WDR3: variants seen among roughly 807,000 people sequenced by gnomAD.
WDR3 encodes the protein WD repeat-containing protein 3.
In WDR3, 81 loss-of-function variants were observed where a neutral mutation model predicts 123.7. The ratio of observed to expected loss-of-function variants is 0.65; its 90% CI spans 0.55 to 0.79. The LOEUF (loss-of-function observed/expected upper bound fraction) is 0.79. Among genes scored for constraint, WDR3 ranks in the 30% least tolerant of loss-of-function variants. The pLI is 0.00. For missense variants in WDR3, 1,027 were observed against 1,123.2 expected (o/e 0.91, Z 1.22); for synonymous variants, 390 against 388.8 (o/e 1.00, Z -0.04).
Position 117,940,881 on chromosome 1 carries a change from A to T in WDR3, c.730A>T (p.Ile244Leu). ...GAAAATCAAAGGATCTTCTCCTGGA[A>T]TACAAGATACTCTTGAGGCAGAGGA... ...PKKIKGSSPG[I>L]QDTLEAEDGA... The change falls in exon 7 of 27, where the codon ATA becomes TTA. Residue 244 changes from isoleucine (I) to leucine (L), a missense_variant. Ile to Leu is a conservative substitution (Grantham distance 5). Transcript: ENST00000349139. The T allele has an allele frequency of 6.2e-7, 1 of 1,614,086 alleles. No homozygotes were observed. The highest frequency in any genetic ancestry group is 2.2e-5 in the East Asian group (1 of 44,886).
In WDR3 at chr1:117,951,508, CTTTT is replaced by C. The variant is rs60053262; in HGVS notation, c.1804-454_1804-451del. On this transcript the variant is annotated intron_variant, in intron 16 of 26. Coordinates refer to ENST00000349139, the MANE Select transcript of WDR3 (RefSeq NM_006784.3). Reference sequence around the variant, plus strand: ...TTAAGTTACAATGTTAAATGTATTTCTTTTTTTTTTTTTTTTTATGTTGACAACC... The same window carrying C: ...TTAAGTTACAATGTTAAATGTATTTCTTTTTTTTTTTTTATGTTGACAACC... Among the ~76,000 whole-genome samples the C allele has an allele frequency of 4.0e-4, 51 of 128,776 alleles. No individual in the cohort carries two copies. In the South Asian group the frequency reaches 8.0e-3, roughly 20 times the overall value. 84.5% of individuals were successfully genotyped at this position (128,776 alleles called of 152,430 possible).
chr1:117,941,667 ATAT>A, intron 8 of WDR3, 80 bp from the exon 9 acceptor site: 6 of 1,509,550 alleles, frequency 4.0e-6, no homozygotes, highest in East Asian at 2.3e-5. Flanking sequence ...AGAAAAATAA[ATAT>A]TGTTGTTTAC....
Position 117,964,063 on chromosome 1 carries a change from T to C in WDR3, c.*4616T>C. ...ATCAGTTCAATTTTAGGTAACTGTC[T>C]ATCCAATGCAAATTCTGCATGCTCA... On this transcript the variant is annotated 3_prime_UTR_variant, in exon 27 of 27. Transcript: ENST00000349139. The C allele has an allele frequency of 1.8e-6, 2 of 1,081,238 alleles. No homozygotes were observed. Among genetic ancestry groups the C allele is most frequent in the Non-Finnish European group, 2.7e-6 (2 of 752,950 alleles). 67.0% of individuals were successfully genotyped at this position (1,081,238 alleles called of 1,614,324 possible).
At chr1:117,949,697 A>T in intron 13 of WDR3, 54 bp from the exon 14 acceptor site, 1 of 1,575,382 alleles carries the variant, frequency 6.3e-7, no homozygotes, top group Non-Finnish European at 8.7e-7. Context: ...GTATCTTCAT[A>T]GCAAAGTTTT....
intron 6 of WDR3, among the ~76,000 whole-genome samples, chr1:117,940,588 C>T (rs1442023038): frequency 6.6e-6 from 1 of 152,028 alleles, no homozygotes; most frequent in Non-Finnish European, 1.5e-5. Flanking sequence ...ATTAGTCAAG[C>T]ACAGTGGTGT....
chr1:117,953,067 C>T (rs1459716081), intron 20 of WDR3, 71 bp downstream of exon 20: 1 of 1,517,044 alleles, frequency 6.6e-7, no homozygotes, highest in East Asian at 2.3e-5. Flanking sequence ...ACTATAATGT[C>T]CAGAATTTCT....
In WDR3 at chr1:117,933,496, C is replaced by G. The variant is rs1201645921; in HGVS notation, c.171+6C>G. 6.2e-7 allele frequency: 1 copy of G among 1,613,776 alleles called. No individual in the cohort carries two copies. Among genetic ancestry groups the G allele is most frequent in the African/African-American group, 1.3e-5 (1 of 74,866 alleles). On this transcript the variant is annotated splice_donor_region_variant and intron_variant, in intron 2 of 26. Coordinates refer to ENST00000349139, the MANE Select transcript of WDR3 (RefSeq NM_006784.3). ...ACTTAAGGAAAGGAGAGAAGGTGAG[C>G]CTAAAATGACCAGTTTGATACTGAT...
intron 12 of WDR3, among the ~76,000 whole-genome samples, chr1:117,946,766 C>G (rs1392950882): frequency 6.6e-6 from 1 of 151,878 alleles, no homozygotes; most frequent in East Asian, 1.9e-4. Flanking sequence ...ACGGTGAAAC[C>G]CTGTCTCTAC....
Position 117,952,624 on chromosome 1 carries a change from A to G in WDR3, c.2113A>G (p.Thr705Ala), listed in dbSNP as rs745626017. Residue 705 changes from threonine to alanine, a missense_variant, in exon 19 of 27, where the codon ACA (threonine) becomes GCA (alanine). Physicochemically the swap from Thr to Ala is moderately conservative, Grantham distance 58. Transcript: ENST00000349139. ...CAAATCTCTGAGACTTTGGGAGAGA[A>G]CAAGGGAGCCTCTTATTCTTGAGGA... ...HDKSLRLWER[T>A]REPLILEEER... 6 of 1,613,478 alleles carry G rather than the reference A, an allele frequency of 3.7e-6. No individual in the cohort carries two copies. In the Admixed American group the frequency reaches 5.0e-5, roughly 13 times the overall value.
intron 16 of WDR3, among the ~76,000 whole-genome samples, chr1:117,951,508 CTTTTTTTTTTTT>C (rs60053262): frequency 7.8e-6 from 1 of 128,794 alleles, no homozygotes; most frequent in Non-Finnish European, 1.7e-5. Flanking sequence ...AAATGTATTT[CTTTTTTTTTTTT>C]TTTTTATGTT....
chr1:117,955,290 A>G, intron 23 of WDR3, 25 bp from the exon 24 acceptor site: 1 of 1,597,632 alleles, frequency 6.3e-7, no homozygotes, highest in South Asian at 1.1e-5. Flanking sequence ...GAGTATCACT[A>G]ATGGTATTAA....
intron 12 of WDR3, among the ~76,000 whole-genome samples, chr1:117,946,583 G>C (rs994560102): frequency 3.9e-5 from 6 of 152,294 alleles, no homozygotes; most frequent in Admixed American, 3.3e-4. Flanking sequence ...GTGCTAGTCA[G>C]ATTGGGAGAC....
At chr1:117,955,280 G>T in intron 23 of WDR3, 35 bp from the exon 24 acceptor site, 1 of 1,571,470 alleles carries the variant, frequency 6.4e-7, no homozygotes, top group Non-Finnish European at 8.7e-7. Context: ...AACCAACCAA[G>T]AGTATCACTA....
intron 19 of WDR3, 89 bp from the exon 20 acceptor site, chr1:117,952,857 C>A: frequency 6.6e-7 from 1 of 1,514,418 alleles, no homozygotes; most frequent in Non-Finnish European, 9.0e-7. Flanking sequence ...ATTATGTTGT[C>A]AAAGGAGCAG....
rs1651701891 is a variant in WDR3 at position 117,953,060 on chromosome 1, A to G, written c.2202+64A>G. On this transcript the variant is annotated intron_variant, in intron 20 of 26. Coordinates refer to ENST00000349139, the MANE Select transcript of WDR3 (RefSeq NM_006784.3). ...TATAGTTATCTTATTGAAATTGACT[A>G]TAATGTCCAGAATTTCTAATAGAAT... 3.0e-5 allele frequency: 47 copies of G among 1,548,314 alleles called. 1 individual carries two copies. In the South Asian group the frequency reaches 5.4e-4, roughly 18 times the overall value.
At chr1:117,952,883 T>C in intron 19 of WDR3, 63 bp from the exon 20 acceptor site, 2 of 1,581,976 alleles carry the variant, frequency 1.3e-6, no homozygotes, top group Non-Finnish European at 1.7e-6. Context: ...CGCTTCCTCA[T>C]TTCTCTTCAT....
intron 3 of WDR3, 131 bp from the exon 4 acceptor site, chr1:117,936,638 T>G (rs1203733848): frequency 3.3e-6 from 2 of 598,250 alleles, no homozygotes; most frequent in Non-Finnish European, 5.7e-6. Flanking sequence ...CCCTGTACTT[T>G]CCCCATGCTT....
At chr1:117,934,171 G>T (rs914426882) in intron 2 of WDR3, among the ~76,000 whole-genome samples, 4 of 152,264 alleles carry the variant, frequency 2.6e-5, no homozygotes, top group African/African-American at 9.6e-5. Flanking sequence ...TTGTTCTAGG[G>T]TTAAGAATTA....
In WDR3 at chr1:117,964,824, C is replaced by T. The variant is rs1006017542; in HGVS notation, c.*5377C>T. On this transcript the variant is annotated 3_prime_UTR_variant, in exon 27 of 27. Coordinates refer to ENST00000349139, the MANE Select transcript of WDR3 (RefSeq NM_006784.3). Reference sequence around the variant, plus strand: ...CTGACACAAGTTCCTTTAACTTTCTCCTTCACCTCGGAATATCTGAATCAT... The same window carrying T: ...CTGACACAAGTTCCTTTAACTTTCTTCTTCACCTCGGAATATCTGAATCAT... 2 of 152,204 alleles carry T rather than the reference C, an allele frequency of 1.3e-5. No homozygotes were observed. The highest frequency in any genetic ancestry group is 4.8e-5 in the African/African-American group (2 of 41,438). The allele number at this position is 152,204 out of a possible 1,614,324, so 9.4% of individuals were successfully genotyped here.
Sources: gnomAD v4.1 joint callset for allele counts (sites outside exome capture counted in the v4.1 genomes callset) on GRCh38, gnomAD v4.1.1 for gene constraint, MANE v1.5 for transcripts, NCBI Gene and HGNC (gene_info 2026-07-23, HGNC 2026-07-21) for gene names.